The following CWC27 variants were observed in gnomAD, a reference collection of about 807,000 sequenced individuals.
The protein encoded by CWC27 is CWC27 spliceosome associated cyclophilin, also known as spliceosome-associated protein CWC27 homolog.
A neutral mutation model predicts 63.6 loss-of-function variants in CWC27; 47 were observed. The ratio of observed to expected loss-of-function variants is 0.74; its 90% CI spans 0.58 to 0.94. The LOEUF is 0.94. Among genes scored for constraint, CWC27 ranks in the 40% least tolerant of loss-of-function variants. CWC27 has a pLI of 0.00. For synonymous variants in CWC27, 175 were observed against 179.8 expected (o/e 0.97, Z 0.22); for missense variants, 495 against 554.3 (o/e 0.89, Z 1.07).
At chr5:64,906,904 C>T (rs922305364) in intron 11 of CWC27, among the ~76,000 whole-genome samples, 20 of 152,240 alleles carry the variant, frequency 1.3e-4, no homozygotes, top group African/African-American at 2.2e-4. Context: ...GTTTTCCCAG[C>T]GCCATTTATT....
chr5:64,897,004 G>A (rs112947841), intron 11 of CWC27, among the ~76,000 whole-genome samples: 1 of 152,074 alleles, frequency 6.6e-6, no homozygotes, highest in Non-Finnish European at 1.5e-5. Context: ...CTCAGCTCAG[G>A]AGTTCAATAC....
rs188789844 is a variant in CWC27 at position 64,858,881 on chromosome 5, A to G, written c.939-26562A>G. 5.3e-5 allele frequency among the ~76,000 whole-genome samples: 8 copies of G among 152,368 alleles called. No individual in the cohort carries two copies. The East Asian group carries it at 1.5e-3, about 29-fold the overall frequency. The stretch of plus-strand genomic sequence containing the variant: ...ATTCTTTATGACCCATCATGCCCAG[A>G]TATTTATGATACCCAAGTTTTTATC... On this transcript the variant is annotated intron_variant, in intron 10 of 13. Coordinates refer to ENST00000381070, the MANE Select transcript of CWC27 (RefSeq NM_005869.4).
At chr5:64,820,765 A>G (rs1470162830) in intron 10 of CWC27, among the ~76,000 whole-genome samples, 1 of 152,190 alleles carries the variant, frequency 6.6e-6, no homozygotes, top group African/African-American at 2.4e-5. Context: ...CTTATATTTT[A>G]TATAAAAATT....
intron 10 of CWC27, among the ~76,000 whole-genome samples, chr5:64,875,379 C>G (rs1366288389): frequency 1.3e-5 from 2 of 151,930 alleles, no homozygotes; most frequent in Non-Finnish European, 2.9e-5. Context: ...AATGGTGTAG[C>G]AGATTATAAA....
intron 10 of CWC27, among the ~76,000 whole-genome samples, chr5:64,878,832 G>A (rs1746865217): frequency 6.6e-6 from 1 of 151,838 alleles, no homozygotes; most frequent in African/African-American, 2.4e-5. Flanking sequence ...AGGATATGTG[G>A]GGGATAAAGT....
intron 13 of CWC27, among the ~76,000 whole-genome samples, chr5:65,013,069 A>T (rs942775628): frequency 1.2e-4 from 18 of 152,122 alleles, no homozygotes; most frequent in Admixed American, 1.3e-4. Context: ...AATAAAAAAT[A>T]AAAAAAGGGG....
intron 10 of CWC27, among the ~76,000 whole-genome samples, chr5:64,837,260 G>T (rs1018872834): frequency 1.3e-5 from 2 of 152,040 alleles, no homozygotes; most frequent in Non-Finnish European, 2.9e-5. Flanking sequence ...TCAAGAAGGA[G>T]TTCTAACACC....
chr5:64,903,070 G>A (rs1341785218), intron 11 of CWC27, among the ~76,000 whole-genome samples: 1 of 152,234 alleles, frequency 6.6e-6, no homozygotes, highest in African/African-American at 2.4e-5. Flanking sequence ...CTTTTACACT[G>A]TTGGTGGGAG....
intron 11 of CWC27, among the ~76,000 whole-genome samples, chr5:64,939,955 A>C (rs1006958351): frequency 2.6e-5 from 4 of 152,186 alleles, no homozygotes; most frequent in African/African-American, 9.7e-5. Flanking sequence ...GTAATGGTAC[A>C]CGTCCCTTCC....
At chr5:64,970,235 C>CA in intron 11 of CWC27, among the ~76,000 whole-genome samples, 1 of 138,448 alleles carries the variant, frequency 7.2e-6, no homozygotes, top group South Asian at 2.3e-4. Flanking sequence ...TTTTTTGAGA[C>CA]AGAGTCTCGC....
At chr5:65,017,457 T>C (rs1750068837) in intron 13 of CWC27, among the ~76,000 whole-genome samples, 1 of 152,210 alleles carries the variant, frequency 6.6e-6, no homozygotes, top group African/African-American at 2.4e-5. Flanking sequence ...ATCCTAAAGA[T>C]AGCTAGCTTA....
At chr5:64,789,611 A>T (rs920798157) in intron 7 of CWC27, among the ~76,000 whole-genome samples, 1 of 152,078 alleles carries the variant, frequency 6.6e-6, no homozygotes, top group Non-Finnish European at 1.5e-5. Flanking sequence ...TGGCCTTTTT[A>T]TTCTGCTAGT....
At chr5:64,986,917 T>C (rs1233857553) in intron 13 of CWC27, among the ~76,000 whole-genome samples, 1 of 152,118 alleles carries the variant, frequency 6.6e-6, no homozygotes, top group African/African-American at 2.4e-5. Flanking sequence ...CTAAAAAAAA[T>C]CATTTTTTTC....
intron 10 of CWC27, among the ~76,000 whole-genome samples, chr5:64,810,135 C>T (rs894828136): frequency 6.6e-6 from 1 of 152,124 alleles, no homozygotes; most frequent in African/African-American, 2.4e-5. Flanking sequence ...GTTTTCCCAA[C>T]ATTTATTGAA....
intron 11 of CWC27, among the ~76,000 whole-genome samples, chr5:64,921,591 G>A (rs1157071514): frequency 6.6e-6 from 1 of 152,116 alleles, no homozygotes; most frequent in Non-Finnish European, 1.5e-5. Context: ...GCAGACAGTT[G>A]GGTCTTGCTT....
chr5:64,962,910 C>T (rs1748943987), intron 11 of CWC27, among the ~76,000 whole-genome samples: 1 of 152,124 alleles, frequency 6.6e-6, no homozygotes, highest in Non-Finnish European at 1.5e-5. Context: ...ACAGAACAAT[C>T]CCCAAGAACA....
intron 12 of CWC27, among the ~76,000 whole-genome samples, chr5:64,973,465 C>T (rs775646456): frequency 4.6e-5 from 7 of 152,194 alleles, no homozygotes; most frequent in Non-Finnish European, 1.0e-4. Flanking sequence ...GGAAGGCTCT[C>T]GCTGTGCTGA....
Position 64,804,265 on chromosome 5 carries a change from A to G in CWC27, c.817A>G (p.Ile273Val). Residue 273 changes from isoleucine (I) to valine (V), a missense_variant, in exon 10 of 14, where the codon ATT becomes GTT. By Grantham distance (29) the Ile-to-Val change is conservative. Around this residue, in one of 3 missense-constraint regions of CWC27, gnomAD observed 463 missense variants for 498.1 expected, o/e 0.93. Transcript: ENST00000381070. ...EDESAEHDEY[I>V]DGDEKNLMRE... ...TGAAAGTGCAGAGCATGATGAATAT[A>G]TTGATGGTGATGAAAAGAACCTGAT... 3.1e-6 allele frequency: 5 copies of G among 1,613,126 alleles called. No individual in the cohort carries two copies. The highest frequency in any genetic ancestry group is 1.1e-5 in the South Asian group (1 of 91,012).
At position 64,860,387 on chromosome 5, in the gene CWC27, C is replaced by T. The variant is rs547019173; in HGVS notation, c.939-25056C>T. 7.6e-4 allele frequency among the ~76,000 whole-genome samples: 116 copies of T among 152,210 alleles called. 1 individual carries two copies. Among genetic ancestry groups the T allele is most frequent in the Non-Finnish European group, 1.5e-3 (99 of 68,008 alleles). On this transcript the variant is annotated intron_variant, in intron 10 of 13. Coordinates refer to ENST00000381070, the MANE Select transcript of CWC27 (RefSeq NM_005869.4). Reference sequence around the variant, plus strand: ...TCTGTCTAAACAAAGCTTTTGTCTACCCCGACTGTTGGGGCTAAGTGCCTG... The same window carrying T: ...TCTGTCTAAACAAAGCTTTTGTCTATCCCGACTGTTGGGGCTAAGTGCCTG...
Sources: allele counts gnomAD v4.1 joint callset (sites outside exome capture counted in the v4.1 genomes callset), GRCh38; gene constraint gnomAD v4.1.1; regional missense constraint gnomAD v4.1.1; transcripts MANE v1.5; gene names NCBI Gene and HGNC (gene_info 2026-07-23, HGNC 2026-07-21).